CCDC7: variants seen among roughly 807,000 people sequenced by gnomAD.
CCDC7 encodes the protein coiled-coil domain containing 7, also known as coiled-coil domain-containing protein 7.
CCDC7 carries 183 observed loss-of-function variants against 196.9 expected under a neutral mutation model. That is an observed-to-expected ratio of 0.93 (90% CI 0.82 to 1.05). The LOEUF (loss-of-function observed/expected upper bound fraction) is 1.05, where lower values mean the gene tolerates loss of function less well. CCDC7 is among the 50% of genes least tolerant of loss of function. CCDC7 has a pLI of 0.00. For synonymous variants in CCDC7, 525 were observed against 484.6 expected, an observed-to-expected ratio of 1.08 and a Z score of -1.10; for missense variants, 1,540 against 1,482.2, an observed-to-expected ratio of 1.04 and a Z score of -0.64.
At chr10:32,642,505 T>C (rs568472735) in intron 20 of CCDC7, among the ~76,000 whole-genome samples, 133 of 152,196 alleles carry the variant, frequency 8.7e-4, no homozygotes, top group African/African-American at 3.2e-3. Flanking sequence ...AAGAGCGCAG[T>C]ATTAGTTTGG....
chr10:32,604,453 C>A (rs1201195605), intron 18 of CCDC7, among the ~76,000 whole-genome samples: 1 of 151,948 alleles, frequency 6.6e-6, no homozygotes, highest in Non-Finnish European at 1.5e-5. Context: ...TTAAAAATTT[C>A]TTTTAATTAT....
chr10:32,443,423 CTTGA>C (rs2030459736), upstream of CCDC7, among the ~76,000 whole-genome samples: 2 of 152,052 alleles, frequency 1.3e-5, no homozygotes, highest in East Asian at 1.9e-4. Context: ...CACATTATCC[CTTGA>C]AGGATAATAT....
intron 37 of CCDC7, among the ~76,000 whole-genome samples, 177 bp from the exon 39 acceptor site, chr10:32,847,655 CA>C (rs55986783): frequency 0.14 from 21,790 of 151,210 alleles, 1,903 homozygotes; most frequent in African/African-American, 0.25. Flanking sequence ...GTTGAAACTG[CA>C]GTCAGCCATG....
rs115505250 is a variant in CCDC7, at chr10:32,520,009, A to G, written c.993+1504A>G. On this transcript the variant is annotated intron_variant, in intron 11 of 41. Coordinates refer to ENST00000639629, the Ensembl canonical transcript of CCDC7. The stretch of plus-strand genomic sequence containing the variant: ...TGCCTGGCCTATTTCATTTAACATA[A>G]TGACTTCCAGTTCCATCTATGTTGT... Among the ~76,000 whole-genome samples, 583 of 152,202 alleles carry G rather than the reference A, an allele frequency of 3.8e-3. 4 individuals are homozygous for G. The highest frequency in any genetic ancestry group is 0.013 in the African/African-American group (556 of 41,542).
chr10:32,654,442 A>G (rs1216427620), intron 20 of CCDC7, among the ~76,000 whole-genome samples: 1 of 152,158 alleles, frequency 6.6e-6, no homozygotes, highest in Non-Finnish European at 1.5e-5. Flanking sequence ...TGAAAATTAG[A>G]TTACTCTTCT....
At chr10:32,870,505 A>C (rs1012869435) in intron 41 of CCDC7, among the ~76,000 whole-genome samples, 10 of 152,114 alleles carry the variant, frequency 6.6e-5, no homozygotes, top group Non-Finnish European at 1.5e-4. Flanking sequence ...GGCTGAGATG[A>C]TGGGGTTTTC....
chr10:32,689,120 G>A (rs775347373), exon 23 of CCDC7: 1 of 1,606,588 alleles, frequency 6.2e-7, no homozygotes, highest in Non-Finnish European at 8.5e-7. Flanking sequence ...AATCAGAAAT[G>A]CAAGTGAAGG....
intron 18 of CCDC7, among the ~76,000 whole-genome samples, chr10:32,607,542 A>G (rs1251961592): frequency 2.6e-5 from 4 of 152,186 alleles, no homozygotes; most frequent in South Asian, 2.1e-4. Flanking sequence ...TGATGAAACA[A>G]TGTTAAATTT....
At chr10:32,672,532 G>A (rs1257970825) in intron 21 of CCDC7, among the ~76,000 whole-genome samples, 1 of 152,132 alleles carries the variant, frequency 6.6e-6, no homozygotes, top group Non-Finnish European at 1.5e-5. Flanking sequence ...TCCCAGTAGT[G>A]GCTTAACAGT....
chr10:32,753,945 G>T (rs7098486), intron 28 of CCDC7, among the ~76,000 whole-genome samples: 12,601 of 151,922 alleles, frequency 0.083, 565 homozygotes, highest in East Asian at 0.16. Context: ...TGAAACAAAT[G>T]ATTTTTTTAA....
intron 29 of CCDC7, among the ~76,000 whole-genome samples, chr10:32,795,279 C>G (rs1453205012): frequency 6.6e-6 from 1 of 152,026 alleles, no homozygotes; most frequent in East Asian, 1.9e-4. Flanking sequence ...GTTCTTCCCC[C>G]CTTCACTCTG....
chr10:32,612,938 A>G (rs1008796355), intron 18 of CCDC7, among the ~76,000 whole-genome samples: 11 of 151,934 alleles, frequency 7.2e-5, no homozygotes, highest in African/African-American at 2.7e-4. Context: ...CTGACCTCAT[A>G]AAATGAGTTA....
upstream of CCDC7, among the ~76,000 whole-genome samples, chr10:32,444,728 T>TC (rs2030572257): frequency 6.6e-6 from 1 of 152,022 alleles, no homozygotes; most frequent in Non-Finnish European, 1.5e-5. Flanking sequence ...ATTGCCAACT[T>TC]TAAAAAATAA....
chr10:32,718,726 A>G (rs1267183663), intron 25 of CCDC7, among the ~76,000 whole-genome samples: 2 of 152,160 alleles, frequency 1.3e-5, no homozygotes, highest in African/African-American at 4.8e-5. Flanking sequence ...CTATACACCA[A>G]TAATAGACAA....
intron 28 of CCDC7, among the ~76,000 whole-genome samples, chr10:32,754,652 G>T (rs1335773341): frequency 6.6e-6 from 1 of 152,176 alleles, no homozygotes; most frequent in Admixed American, 6.5e-5. Flanking sequence ...ACATGAGGGA[G>T]GTTCCAAGAG....
chr10:32,673,362 T>G (rs1466095695), intron 21 of CCDC7, among the ~76,000 whole-genome samples: 1 of 152,122 alleles, frequency 6.6e-6, no homozygotes, highest in African/African-American at 2.4e-5. Flanking sequence ...TGTACATCAC[T>G]TTGGGTAGTA....
intron 18 of CCDC7, among the ~76,000 whole-genome samples, chr10:32,585,241 T>G (rs1160036345): frequency 6.6e-6 from 1 of 152,088 alleles, no homozygotes; most frequent in Non-Finnish European, 1.5e-5. Context: ...GCCCAGCTAA[T>G]TTTTTATATT....
At chr10:32,684,741 A>T (rs2141110968) in intron 21 of CCDC7, among the ~76,000 whole-genome samples, 1 of 152,324 alleles carries the variant, frequency 6.6e-6, no homozygotes, top group East Asian at 1.9e-4. Flanking sequence ...TTCCAAAATT[A>T]TTTTAGAATT....
At chr10:32,686,290 A>G (rs535482022) in intron 22 of CCDC7, among the ~76,000 whole-genome samples, 1 of 152,356 alleles carries the variant, frequency 6.6e-6, no homozygotes, top group African/African-American at 2.4e-5. Context: ...AGCCATGATC[A>G]TGTGCTCAGT....
Sources: gnomAD v4.1 joint callset for allele counts (sites outside exome capture counted in the v4.1 genomes callset) on GRCh38, gnomAD v4.1.1 for gene constraint, MANE v1.5 for transcripts, NCBI Gene and HGNC (gene_info 2026-07-23, HGNC 2026-07-21) for gene names.